ANK3: variants seen among roughly 807,000 people sequenced by gnomAD.
ANK3 encodes the protein ankyrin 3, also known as ankyrin-3.
ANK3 carries 57 observed loss-of-function variants against 370.9 expected under a neutral mutation model. The ratio of observed to expected loss-of-function variants is 0.15; its 90% CI spans 0.12 to 0.19. ANK3 has a LOEUF of 0.19. ANK3 is among the 10% of genes least tolerant of loss of function. The pLI, the probability that ANK3 is intolerant of heterozygous loss-of-function variation, is 1.00. For synonymous variants in ANK3, 1,929 were observed against 1,946.3 expected, an observed-to-expected ratio of 0.99 and a Z score of 0.23; for missense variants, 4,439 against 5,302.1, an observed-to-expected ratio of 0.84 and a Z score of 5.06.
At chr10:60,270,344 C>T in intron 4 of ANK3, 115 bp from the exon 5 acceptor site, 1 of 506,854 alleles carries the variant, frequency 2.0e-6, no homozygotes, top group Non-Finnish European at 3.3e-6. Context: ...TTTAATAATA[C>T]TTTCATATAG....
At chr10:60,612,652 C>T (rs528404133) in intron 2 of ANK3, among the ~76,000 whole-genome samples, 6 of 152,090 alleles carry the variant, frequency 3.9e-5, no homozygotes, top group South Asian at 2.1e-4. Context: ...CCACCATGCC[C>T]GGCTAATTTT....
chr10:60,450,383 T>C (rs947013948), intron 2 of ANK3, among the ~76,000 whole-genome samples: 2 of 152,164 alleles, frequency 1.3e-5, no homozygotes, highest in Non-Finnish European at 2.9e-5. Flanking sequence ...TCATGGCTGA[T>C]TTCGAGCTGC....
In ANK3 at chr10:60,476,896, C is replaced by T. The variant is rs189818995; in HGVS notation, c.96+138290G>A. ...TTTCGAATTCTAGTTGAAAACAATT[C>T]AGTCACAAATAGAGAGAAGTTTTTC... On this transcript the variant is annotated intron_variant, in intron 2 of 43. Coordinates refer to the ANK3 transcript ENST00000373827. 3.9e-5 allele frequency among the ~76,000 whole-genome samples: 6 copies of T among 152,228 alleles called. No homozygotes were observed. The East Asian group carries it at 1.2e-3, about 29-fold the overall frequency.
chr10:60,627,294 C>T (rs567739134), intron 1 of ANK3, among the ~76,000 whole-genome samples: 1 of 151,942 alleles, frequency 6.6e-6, no homozygotes, highest in African/African-American at 2.4e-5. Context: ...CTACTTAATT[C>T]TTCCATTCAG....
chr10:60,396,221 T>C (rs2063236264), intron 2 of ANK3, among the ~76,000 whole-genome samples: 1 of 152,204 alleles, frequency 6.6e-6, no homozygotes, highest in Non-Finnish European at 1.5e-5. Flanking sequence ...TAAATTAGTA[T>C]GGGTGAATTG....
chr10:60,099,708 T>TA (rs1179116939), intron 28 of ANK3, among the ~76,000 whole-genome samples: 1 of 152,202 alleles, frequency 6.6e-6, no homozygotes, highest in African/African-American at 2.4e-5. Context: ...AAAAATCAAT[T>TA]AATATGATTC....
intron 2 of ANK3, among the ~76,000 whole-genome samples, chr10:60,534,102 C>T (rs746043170): frequency 3.3e-5 from 5 of 152,060 alleles, no homozygotes; most frequent in East Asian, 3.9e-4. Context: ...GTCACCGCTC[C>T]GATATTTCAG....
intron 2 of ANK3, among the ~76,000 whole-genome samples, chr10:60,521,592 A>G (rs1325412270): frequency 2.6e-5 from 4 of 152,126 alleles, no homozygotes; most frequent in Non-Finnish European, 5.9e-5. Context: ...CATAGGTAAA[A>G]TTAAAGACCA....
chr10:60,335,801 C>A (rs906338991), intron 1 of ANK3, among the ~76,000 whole-genome samples: 7 of 152,100 alleles, frequency 4.6e-5, no homozygotes, highest in Admixed American at 4.6e-4. Flanking sequence ...CCTGTAACAA[C>A]CCTACCTAGC....
At chr10:60,693,784 A>T (rs1255911813) in intron 1 of ANK3, among the ~76,000 whole-genome samples, 1 of 152,206 alleles carries the variant, frequency 6.6e-6, no homozygotes, top group African/African-American at 2.4e-5. Context: ...AGTAGATAAA[A>T]CCACAAAGAT....
chr10:60,577,823 CTTT>C (rs2077701621), intron 2 of ANK3, among the ~76,000 whole-genome samples: 1 of 152,154 alleles, frequency 6.6e-6, no homozygotes, highest in Non-Finnish European at 1.5e-5. Flanking sequence ...TTCTAGTCTT[CTTT>C]GAGTCTTCAT....
chr10:60,496,733 G>GAAA (rs33910846), intron 2 of ANK3, among the ~76,000 whole-genome samples: 56 of 125,550 alleles, frequency 4.5e-4, no homozygotes, highest in African/African-American at 1.4e-3. Context: ...TTTTGAGACC[G>GAAA]AAAAAAAAAA....
intron 2 of ANK3, among the ~76,000 whole-genome samples, chr10:60,529,245 C>T (rs1478746181): frequency 6.6e-6 from 1 of 152,114 alleles, no homozygotes; most frequent in East Asian, 1.9e-4. Flanking sequence ...GCCAGGCTAG[C>T]ATGCAGTCAT....
intron 2 of ANK3, chr10:60,572,567 C>A: frequency 6.5e-7 from 1 of 1,530,462 alleles, no homozygotes; most frequent in South Asian, 1.2e-5. Flanking sequence ...AGACAGATCA[C>A]CGCCGGTATT....
chr10:60,252,530 T>C (rs1256134156), intron 7 of ANK3, among the ~76,000 whole-genome samples: 3 of 152,204 alleles, frequency 2.0e-5, no homozygotes, highest in Non-Finnish European at 2.9e-5. Context: ...AGGATTTTTT[T>C]CGGGTCATTT....
chr10:60,681,744 C>G (rs957536166), intron 1 of ANK3, among the ~76,000 whole-genome samples: 1 of 152,124 alleles, frequency 6.6e-6, no homozygotes, highest in Non-Finnish European at 1.5e-5. Flanking sequence ...AGACTGGCTC[C>G]GACTTGGACA....
Position 60,075,746 on chromosome 10 carries a change from T to A in ANK3, c.5135A>T (p.Glu1712Val), listed in dbSNP as rs1236051195. 8 of 1,614,030 alleles carry A rather than the reference T, an allele frequency of 5.0e-6. No individual in the cohort carries two copies. The highest frequency in any genetic ancestry group is 1.6e-4 in the Middle Eastern group (1 of 6,084). Residue 1712 changes from glutamate to valine, a missense_variant, in exon 37 of 44, where the codon GAG (glutamate) becomes GTG (valine). By Grantham distance (121) the Glu-to-Val change is moderately radical (BLOSUM62 -2). This residue lies in a region of ANK3 where 679 missense variants were observed against 791.0 expected (regional missense o/e 0.86). Coordinates refer to ENST00000280772, the MANE Select transcript of ANK3 (RefSeq NM_020987.5). Reference sequence around the variant, plus strand: ...AATAGATCCATTGACTAATGCTACCTCTGCATGTCCAGGCATCTGCTTCAC... The same window carrying A: ...AATAGATCCATTGACTAATGCTACCACTGCATGTCCAGGCATCTGCTTCAC... ...SPVKQMPGHA[E>V]VALVNGSISP...
At chr10:60,139,191 A>C in intron 23 of ANK3, 104 bp from the exon 24 acceptor site, 58 of 1,353,060 alleles carry the variant, frequency 4.3e-5, no homozygotes, top group Non-Finnish European at 5.3e-5. Flanking sequence ...CCAATATCTC[A>C]TATTCACCTT....
intron 1 of ANK3, among the ~76,000 whole-genome samples, chr10:60,341,965 A>G (rs1430118041): frequency 2.0e-5 from 3 of 152,220 alleles, no homozygotes; most frequent in Non-Finnish European, 4.4e-5. Context: ...AAAGATAAAT[A>G]TAAACCAGCT....
Sources: allele counts gnomAD v4.1 joint callset (sites outside exome capture counted in the v4.1 genomes callset), GRCh38; gene constraint gnomAD v4.1.1; regional missense constraint gnomAD v4.1.1; transcripts MANE v1.5; gene names NCBI Gene and HGNC (gene_info 2026-07-23, HGNC 2026-07-21).